SEMA3E: variants seen among roughly 807,000 people sequenced by gnomAD.
SEMA3E encodes semaphorin 3E.
Under a neutral mutation model 93.6 loss-of-function variants are expected in SEMA3E, and 49 were observed. The ratio of observed to expected loss-of-function variants is 0.52; its 90% CI spans 0.42 to 0.66. The LOEUF (loss-of-function observed/expected upper bound fraction) is 0.66. SEMA3E is among the 30% of genes least tolerant of loss of function. The pLI is 0.00. For missense variants in SEMA3E, 906 were observed against 964.8 expected, an observed-to-expected ratio of 0.94 and a Z score of 0.81; for synonymous variants, 363 against 330.7, an observed-to-expected ratio of 1.10 and a Z score of -1.06.
intron 1 of SEMA3E, among the ~76,000 whole-genome samples, chr7:83,606,360 C>A (rs1793117777): frequency 6.6e-6 from 1 of 151,934 alleles, no homozygotes; most frequent in African/African-American, 2.4e-5. Context: ...TGGGAACCAA[C>A]CCAAATGTCC....
At chr7:83,471,353 T>C (rs1431963932) in intron 2 of SEMA3E, among the ~76,000 whole-genome samples, 1 of 145,326 alleles carries the variant, frequency 6.9e-6, no homozygotes. Flanking sequence ...TGCACTAGTA[T>C]AGACCGCTCC....
At chr7:83,571,816 T>C (rs946074333) in intron 1 of SEMA3E, among the ~76,000 whole-genome samples, 3 of 152,118 alleles carry the variant, frequency 2.0e-5, no homozygotes, top group African/African-American at 7.2e-5. Flanking sequence ...AATCTTTACA[T>C]AGAAAACCCT....
chr7:83,607,490 C>G (rs1443104473), intron 1 of SEMA3E, among the ~76,000 whole-genome samples: 2 of 152,088 alleles, frequency 1.3e-5, no homozygotes, highest in South Asian at 4.2e-4. Context: ...AGTGCTTCAT[C>G]CTCATTTTTA....
At chr7:83,434,418 A>G (rs1375568465) in intron 4 of SEMA3E, among the ~76,000 whole-genome samples, 1 of 152,234 alleles carries the variant, frequency 6.6e-6, no homozygotes, top group Non-Finnish European at 1.5e-5. Context: ...AATAAGCAGT[A>G]TGCAATCTCA....
chr7:83,424,873 G>A, intron 4 of SEMA3E: 1 of 261,236 alleles, frequency 3.8e-6, no homozygotes, highest in Non-Finnish European at 7.7e-6. Flanking sequence ...GGAGGAATGG[G>A]GCCCTGACCT....
rs575399395 is a variant in SEMA3E at position 83,373,988 on chromosome 7, C to T, written c.1876-5950G>A. The stretch of plus-strand genomic sequence containing the variant: ...TTGGGAGGCTGAGGCAGGCAGATCA[C>T]CTGAGGTTGGGAGTTCGAGACCAGC... On this transcript the variant is annotated intron_variant, in intron 16 of 16. Transcript: ENST00000643230. Among the ~76,000 whole-genome samples the T allele has an allele frequency of 2.6e-5, 4 of 152,038 alleles. No homozygotes were observed. In the South Asian group the frequency reaches 8.3e-4, roughly 32 times the overall value.
At position 83,392,673 on chromosome 7, in the gene SEMA3E, G is replaced by A; in HGVS notation, c.1549C>T (p.His517Tyr). The A allele has an allele frequency of 1.2e-6, 2 of 1,613,782 alleles. No individual in the cohort carries two copies. Among genetic ancestry groups the A allele is most frequent in the East Asian group, 2.2e-5 (1 of 44,854 alleles). ...SASAVAQVRF[H>Y]HCDMYGSACA... The stretch of plus-strand genomic sequence containing the variant: ...GCACTTCCATACATGTCACAGTGAT[G>A]GAATCTGACTTGAGCCACAGCAGAA... Residue 517 changes from histidine (H) to tyrosine (Y), a missense_variant, in exon 14 of 17, where the codon CAT (histidine) becomes TAT (tyrosine). Coordinates refer to ENST00000643230, the MANE Select transcript of SEMA3E (RefSeq NM_012431.3).
At chr7:83,446,306 T>C (rs1348131061) in intron 4 of SEMA3E, among the ~76,000 whole-genome samples, 1 of 152,168 alleles carries the variant, frequency 6.6e-6, no homozygotes, top group African/African-American at 2.4e-5. Flanking sequence ...CTCATCTGAA[T>C]AACAGTGAAG....
intron 1 of SEMA3E, among the ~76,000 whole-genome samples, chr7:83,621,961 C>T (rs1298198212): frequency 6.6e-6 from 1 of 152,102 alleles, no homozygotes; most frequent in East Asian, 1.9e-4. Flanking sequence ...ACACCAAAAG[C>T]AATTGCAACA....
chr7:83,551,596 T>A (rs939716198), intron 1 of SEMA3E, among the ~76,000 whole-genome samples: 6 of 152,182 alleles, frequency 3.9e-5, no homozygotes, highest in African/African-American at 1.4e-4. Flanking sequence ...AAGTGTGAAA[T>A]AGGCTCACAG....
At chr7:83,562,793 C>A (rs1792059158) in intron 1 of SEMA3E, among the ~76,000 whole-genome samples, 1 of 151,958 alleles carries the variant, frequency 6.6e-6, no homozygotes, top group Non-Finnish European at 1.5e-5. Flanking sequence ...AGAATCATAT[C>A]CAATCTATCT....
At chr7:83,605,307 T>G (rs1431550475) in intron 1 of SEMA3E, among the ~76,000 whole-genome samples, 1 of 152,186 alleles carries the variant, frequency 6.6e-6, no homozygotes, top group Non-Finnish European at 1.5e-5. Context: ...TTTCCTGACT[T>G]TTTAATAATC....
chr7:83,406,623 A>T (rs2722981), intron 7 of SEMA3E, among the ~76,000 whole-genome samples: 76,444 of 151,382 alleles, frequency 0.5, 22,138 homozygotes, highest in East Asian at 0.85. Context: ...ATTTTATTTG[A>T]TTCTCTCAAT....
chr7:83,531,267 A>G (rs28514858), intron 1 of SEMA3E, among the ~76,000 whole-genome samples: 78,354 of 148,044 alleles, frequency 0.53, 22,920 homozygotes, highest in Middle Eastern at 0.7. Context: ...GGAGTAAACA[A>G]GTTGGGAAAA....
At chr7:83,639,634 C>T (rs191385198) in intron 1 of SEMA3E, among the ~76,000 whole-genome samples, 260 of 150,334 alleles carry the variant, frequency 1.7e-3, no homozygotes, top group African/African-American at 6.2e-3. Context: ...TACTATAACA[C>T]CATATCATTC....
chr7:83,604,399 G>C (rs1793060068), intron 1 of SEMA3E, among the ~76,000 whole-genome samples: 1 of 149,654 alleles, frequency 6.7e-6, no homozygotes, highest in Admixed American at 6.7e-5. Context: ...TTTTGAATTT[G>C]GTTTTAAACT....
intron 4 of SEMA3E, among the ~76,000 whole-genome samples, chr7:83,432,713 T>C (rs1333476780): frequency 6.6e-6 from 1 of 152,120 alleles, no homozygotes; most frequent in East Asian, 1.9e-4. Context: ...AATTTAGGGG[T>C]GCCTATTAAT....
intron 4 of SEMA3E, among the ~76,000 whole-genome samples, chr7:83,444,951 G>C (rs563702329): frequency 6.6e-6 from 1 of 152,160 alleles, no homozygotes; most frequent in Admixed American, 6.5e-5. Flanking sequence ...GATTACAGGC[G>C]TGAGCCACCG....
At chr7:83,472,817 G>A (rs1472781846) in intron 2 of SEMA3E, among the ~76,000 whole-genome samples, 1 of 152,134 alleles carries the variant, frequency 6.6e-6, no homozygotes, top group Non-Finnish European at 1.5e-5. Context: ...ATTGAATCAT[G>A]GAGGCCGTTT....
Sources: allele counts gnomAD v4.1 joint callset (sites outside exome capture counted in the v4.1 genomes callset), GRCh38; gene constraint gnomAD v4.1.1; transcripts MANE v1.5; gene names NCBI Gene and HGNC (gene_info 2026-07-23, HGNC 2026-07-21).